The following NCKAP5 variants were observed in gnomAD, a reference collection of about 807,000 sequenced individuals.
NCKAP5 encodes the protein NCK associated protein 5, also known as nck-associated protein 5.
NCKAP5 carries 92 observed loss-of-function variants against 167.0 expected under a neutral mutation model. The ratio of observed to expected loss-of-function variants is 0.55; its 90% confidence interval spans 0.47 to 0.66. NCKAP5 has a LOEUF of 0.66. Ranked by LOEUF, NCKAP5 falls within the 30% of genes least tolerant of loss-of-function variation. NCKAP5 has a pLI of 0.00. For missense variants in NCKAP5, 2,378 were observed against 2,315.0 expected (o/e 1.03, Z -0.56); for synonymous variants, 891 against 877.4 (o/e 1.02, Z -0.27).
intron 11 of NCKAP5, 67 bp from the exon 12 acceptor site, chr2:132,796,796 G>C: frequency 8.9e-7 from 1 of 1,125,702 alleles, no homozygotes; most frequent in Non-Finnish European, 1.3e-6. Flanking sequence ...ATCCTGCCTT[G>C]GACAGTTAAA....
chr2:132,962,172 A>G (rs568018962), intron 8 of NCKAP5, among the ~76,000 whole-genome samples: 1 of 152,288 alleles, frequency 6.6e-6, no homozygotes, highest in East Asian at 1.9e-4. Flanking sequence ...CAGTCCTTAT[A>G]TTGTTAATCA....
the NCKAP5 span, among the ~76,000 whole-genome samples, chr2:133,588,881 C>T: frequency 2.6e-5 from 4 of 152,082 alleles, no homozygotes; most frequent in Admixed American, 6.6e-5. Context: ...GCCAAGGGCC[C>T]GAGATGATCA....
chr2:133,479,932 C>CA (rs1253036181), intron 3 of NCKAP5, among the ~76,000 whole-genome samples: 1 of 133,598 alleles, frequency 7.5e-6, no homozygotes, highest in African/African-American at 2.8e-5. Flanking sequence ...TTTCTTTTTC[C>CA]TTTTTTTTTT....
chr2:133,533,646 GATTT>G (rs1035035248), intron 2 of NCKAP5, among the ~76,000 whole-genome samples: 1 of 152,126 alleles, frequency 6.6e-6, no homozygotes, highest in African/African-American at 2.4e-5. Context: ...ATTCAAAGAT[GATTT>G]ACTCTCCTTT....
At chr2:132,847,861 G>C (rs1285799098) in intron 11 of NCKAP5, among the ~76,000 whole-genome samples, 1 of 152,192 alleles carries the variant, frequency 6.6e-6, no homozygotes, top group Admixed American at 6.5e-5. Context: ...ACAGAAAGCA[G>C]ATCTGTGGTT....
intron 5 of NCKAP5, among the ~76,000 whole-genome samples, chr2:133,161,178 TCATCCTGAAAC>T (rs1482084154): frequency 6.6e-6 from 1 of 152,164 alleles, no homozygotes; most frequent in Non-Finnish European, 1.5e-5. Flanking sequence ...TGAAACAGTT[TCATCCTGAAAC>T]CATCTCTCCA....
chr2:133,209,318 G>A (rs972331634), intron 5 of NCKAP5, among the ~76,000 whole-genome samples: 9 of 150,332 alleles, frequency 6.0e-5, no homozygotes, highest in African/African-American at 1.5e-4. Flanking sequence ...TATGAAAAAC[G>A]GTGGTGGCAT....
intron 5 of NCKAP5, among the ~76,000 whole-genome samples, chr2:133,188,916 G>A (rs1302674396): frequency 6.6e-6 from 1 of 152,022 alleles, no homozygotes; most frequent in African/African-American, 2.4e-5. Flanking sequence ...CTAGCAGACG[G>A]CAAGTAATAA....
At chr2:133,106,292 CAAAAA>C (rs10612612) in intron 6 of NCKAP5, among the ~76,000 whole-genome samples, 3 of 76,844 alleles carry the variant, frequency 3.9e-5, no homozygotes. Flanking sequence ...GACTCCGTCT[CAAAAA>C]AAAAAAAAAA....
intron 3 of NCKAP5, among the ~76,000 whole-genome samples, chr2:133,515,468 T>G (rs551294859): frequency 6.6e-6 from 1 of 152,284 alleles, no homozygotes; most frequent in East Asian, 1.9e-4. Context: ...TTCACTAGTG[T>G]AAAAGCTCTC....
chr2:132,738,157 T>C (rs563828887), intron 16 of NCKAP5, among the ~76,000 whole-genome samples: 1 of 152,354 alleles, frequency 6.6e-6, no homozygotes, highest in East Asian at 1.9e-4. Context: ...ATTTTTCACA[T>C]GAAGCCAGAC....
At chr2:132,853,255 A>T (rs1213676301) in intron 11 of NCKAP5, among the ~76,000 whole-genome samples, 1 of 152,132 alleles carries the variant, frequency 6.6e-6, no homozygotes, top group African/African-American at 2.4e-5. Flanking sequence ...AATTTGAGAG[A>T]CTACATGCAA....
chr2:133,370,294 C>T (rs1036013003), intron 3 of NCKAP5, among the ~76,000 whole-genome samples: 2 of 152,198 alleles, frequency 1.3e-5, no homozygotes, highest in Non-Finnish European at 1.5e-5. Context: ...TTTATCCAAA[C>T]AGCTTTACTC....
intron 3 of NCKAP5, among the ~76,000 whole-genome samples, chr2:133,327,380 G>A (rs755405541): frequency 2.0e-5 from 3 of 152,176 alleles, no homozygotes; most frequent in Non-Finnish European, 4.4e-5. Flanking sequence ...AGGTAAGAAA[G>A]GACCTTGGAA....
intron 1 of NCKAP5, among the ~76,000 whole-genome samples, chr2:133,560,288 C>T (rs772091158): frequency 5.5e-4 from 83 of 152,148 alleles, no homozygotes; most frequent in Non-Finnish European, 8.8e-4. Flanking sequence ...ATTTGATGGA[C>T]GCCTACTGTG....
chr2:132,999,277 G>C (rs764458348), intron 6 of NCKAP5, among the ~76,000 whole-genome samples: 11 of 152,078 alleles, frequency 7.2e-5, no homozygotes, highest in Non-Finnish European at 1.0e-4. Context: ...TGCTTAAGAA[G>C]GGCACTAAGT....
intron 3 of NCKAP5, among the ~76,000 whole-genome samples, chr2:133,332,725 A>T (rs1682943141): frequency 6.6e-6 from 1 of 152,082 alleles, no homozygotes; most frequent in Admixed American, 6.5e-5. Flanking sequence ...CAGAAAAAAA[A>T]ATAATAATAA....
At chr2:133,280,746 T>C (rs1276059165) in intron 4 of NCKAP5, among the ~76,000 whole-genome samples, 2 of 152,214 alleles carry the variant, frequency 1.3e-5, no homozygotes, top group African/African-American at 2.4e-5. Context: ...GCCAGTTCTA[T>C]GTAAATAGCG....
At chr2:132,980,181 G>A (rs1012128780) in intron 7 of NCKAP5, among the ~76,000 whole-genome samples, 1 of 151,328 alleles carries the variant, frequency 6.6e-6, no homozygotes, top group Non-Finnish European at 1.5e-5. Context: ...TTGTAGAGAC[G>A]GAGTTTCACC....
Sources: allele counts gnomAD v4.1 joint callset (sites outside exome capture counted in the v4.1 genomes callset), GRCh38; gene constraint gnomAD v4.1.1; transcripts MANE v1.5; gene names NCBI Gene and HGNC (gene_info 2026-07-23, HGNC 2026-07-21).